Variants in FLNC observed in about 807,000 individuals in gnomAD.
FLNC encodes the protein filamin C.
In FLNC, 91 loss-of-function variants were observed where a neutral mutation model predicts 254.3. The ratio of observed to expected loss-of-function variants is 0.36; its 90% confidence interval spans 0.30 to 0.43. FLNC has a LOEUF of 0.43. FLNC is among the 20% of genes least tolerant of loss of function. The pLI, the probability that FLNC is intolerant of heterozygous loss-of-function variation, is 1.00. For missense variants in FLNC, 2,853 were observed against 3,802.6 expected, an observed-to-expected ratio of 0.75 and a Z score of 6.57; for synonymous variants, 1,430 against 1,577.2, an observed-to-expected ratio of 0.91 and a Z score of 2.21.
chr7:128,852,370 G>C (rs2128938692), intron 35 of FLNC, among the ~76,000 whole-genome samples: 1 of 152,352 alleles, frequency 6.6e-6, no homozygotes, highest in East Asian at 1.9e-4. Context: ...CACAAGGACT[G>C]AGGCAGCCAC....
rs776941739 is a variant in FLNC, at chr7:128,850,413, G to A, written c.5328G>A (p.Glu1776=). Residue 1776 remains glutamate, a synonymous_variant, in exon 32 of 48, where the codon GAG becomes GAA. Transcript: ENST00000325888. ...CAGAGGAGCCAGTGGTGCCTGTGGA[G>A]CCAATGGAGTCCATGCTGAGGCCCT... ...WATEEPVVPV[E]PMESMLRPFN... 3.7e-6 allele frequency: 6 copies of A among 1,614,084 alleles called. No individual in the cohort carries two copies. In the East Asian group the frequency reaches 1.3e-4, roughly 36 times the overall value.
chr7:128,831,898 C>G (rs1443084766), intron 1 of FLNC, among the ~76,000 whole-genome samples: 1 of 152,102 alleles, frequency 6.6e-6, no homozygotes, highest in Non-Finnish European at 1.5e-5. Flanking sequence ...CAGAGTCCTG[C>G]AGTCATCCCT....
rs537929042 is a variant in FLNC, at chr7:128,855,925, C to T, written c.7252-593C>T. 2.2e-3 allele frequency among the ~76,000 whole-genome samples: 334 copies of T among 152,306 alleles called. 13 individuals carry two copies. In the South Asian group the frequency reaches 0.059, roughly 27 times the overall value. ...ATTGTAAAGGAGCTTCTGCATAAGG[C>T]GCACAGAATGGGCTTCACCCCACCT... On this transcript the variant is annotated intron_variant, in intron 43 of 47. Coordinates refer to ENST00000325888, the MANE Select transcript of FLNC (RefSeq NM_001458.5).
chr7:128,844,078 C>T lies in FLNC; in HGVS notation c.3004C>T (p.Arg1002Trp), dbSNP rs555764780. The change falls in exon 20 of 48, where the codon CGG (arginine) becomes TGG (tryptophan). Residue 1002 changes from arginine (R) to tryptophan (W), a missense_variant. Coordinates refer to ENST00000325888, the MANE Select transcript of FLNC (RefSeq NM_001458.5). ...TGGCGGTCAGGGCCAACTGGATGTG[C>T]GGATGACTTCGCCCTCTCGCCGGCC... ...GAGGQGQLDV[R>W]MTSPSRRPIP... The T allele has an allele frequency of 3.0e-5, 48 of 1,613,908 alleles. No homozygotes were observed. Among genetic ancestry groups the T allele is most frequent in the Middle Eastern group, 1.6e-4 (1 of 6,084 alleles).
rs200510021 is a variant in FLNC, at chr7:128,848,741, C to T, written c.4737+24C>T. On this transcript the variant is annotated intron_variant, in intron 27 of 47. Coordinates refer to ENST00000325888, the MANE Select transcript of FLNC (RefSeq NM_001458.5). ...TGGTGAGTCTCTGTGCATCCCACCC[C>T]GCAGGTCATGCTCCAGGCACAGGCG... 1,666 of 1,614,020 alleles carry T rather than the reference C, an allele frequency of 1.0e-3. 33 individuals are homozygous for T. The South Asian group carries it at 0.017, about 17-fold the overall frequency.
intron 37 of FLNC, chr7:128,853,254 T>G (rs1808901112): frequency 1.4e-6 from 1 of 707,788 alleles, no homozygotes; most frequent in African/African-American, 1.8e-5. Flanking sequence ...TTTCTGTCCC[T>G]CCCTTGCTCA....
rs753559863 is a variant in FLNC at position 128,856,598 on chromosome 7, G to A, written c.7332G>A (p.Val2444=). The A allele has an allele frequency of 1.9e-6, 3 of 1,612,764 alleles. No individual in the cohort carries two copies. The South Asian group carries it at 3.3e-5, about 18-fold the overall frequency. ...NGARGVIDAR[V]HTPSGAVEEC... ...CCCGGGGCGTGATTGATGCCCGGGTGCACACACCCTCGGGGGCTGTGGAGG... is the reference window on the plus strand; with the variant it reads ...CCCGGGGCGTGATTGATGCCCGGGTACACACACCCTCGGGGGCTGTGGAGG... The change falls in exon 44 of 48, where the codon GTG becomes GTA. Residue 2444 remains valine (V), a synonymous_variant. Transcript: ENST00000325888. This position sits in a 1 kb window ranked among gnomAD's most constrained non-coding sequence, Gnocchi z 5.9.
chr7:128,845,672 C>T (rs543718482), intron 21 of FLNC, among the ~76,000 whole-genome samples: 68 of 152,122 alleles, frequency 4.5e-4, no homozygotes, highest in Non-Finnish European at 7.1e-4. Context: ...GCATGGGCCA[C>T]GGCAGAGGGA....
Position 128,858,572 on chromosome 7 carries a change from A to G in FLNC, c.*49A>G, listed in dbSNP as rs1270185913. Reference sequence around the variant, plus strand: ...TCAGCCCCCACCTCCAGCCACACACACATTACACACACACACACACACACA... The same window carrying G: ...TCAGCCCCCACCTCCAGCCACACACGCATTACACACACACACACACACACA... On this transcript the variant is annotated 3_prime_UTR_variant, in exon 48 of 48. Transcript: ENST00000325888. The surrounding 1 kb of genome is among the most constrained non-coding windows in gnomAD (Gnocchi z 6.7). 5 of 1,233,958 alleles carry G rather than the reference A, an allele frequency of 4.1e-6. No individual in the cohort carries two copies. The African/African-American group carries it at 7.0e-5, about 17-fold the overall frequency. 76.4% of individuals were successfully genotyped at this position (1,233,958 alleles called of 1,614,324 possible). A position where few individuals can be genotyped will look rare whatever the true frequency, so the allele number is the denominator to read the frequency against.
In FLNC at chr7:128,857,042, T is replaced by A; in HGVS notation, c.7562-76T>A. Reference sequence around the variant, plus strand: ...AAGCCAGGAGTCCCCACAGAGGCTGTCCAGGGAGCTGGGGCCCAGTCCCTC... The same window carrying A: ...AAGCCAGGAGTCCCCACAGAGGCTGACCAGGGAGCTGGGGCCCAGTCCCTC... On this transcript the variant is annotated intron_variant, in intron 45 of 47. Coordinates refer to ENST00000325888, the MANE Select transcript of FLNC (RefSeq NM_001458.5). This position sits in a 1 kb window ranked among gnomAD's most constrained non-coding sequence, Gnocchi z 4.5. The A allele has an allele frequency of 6.4e-7, 1 of 1,571,402 alleles. No homozygotes were observed.
rs553928889 is a variant in FLNC, at chr7:128,853,179, T to C, written c.6208+148T>C. On this transcript the variant is annotated intron_variant, in intron 37 of 47. Transcript: ENST00000325888. ...TCAGGATTCGCATTCTGGGGCCCCT[T>C]GCGGGAAAGTGAATGGCCCCGCATC... 3.1e-4 allele frequency: 255 copies of C among 830,470 alleles called. No individual in the cohort carries two copies. The African/African-American group carries it at 3.9e-3, about 13-fold the overall frequency. The allele number at this position is 830,470 out of a possible 1,614,324, so 51.4% of individuals were successfully genotyped here.
At chr7:128,854,331 A>T in intron 40 of FLNC, 82 bp from the exon 41 acceptor site, 3 of 1,597,858 alleles carry the variant, frequency 1.9e-6, no homozygotes, top group Non-Finnish European at 2.6e-6. Flanking sequence ...TGAGCAGAGG[A>T]GGAGGTTTAA....
At position 128,844,913 on chromosome 7, in the gene FLNC, C is replaced by A. The variant is rs779184516; in HGVS notation, c.3448C>A (p.Arg1150=). ...TGGCTCGCCCTTCAAAGCCACCATT[C>A]GGCCTGTGTTTGACCCGAGCAAGGT... ...IPGSPFKATI[R]PVFDPSKVRA... The change falls in exon 21 of 48, where the codon CGG becomes AGG. Residue 1150 remains arginine (R), a synonymous_variant. Transcript: ENST00000325888. The A allele has an allele frequency of 6.8e-6, 11 of 1,613,818 alleles. No individual in the cohort carries two copies. Among genetic ancestry groups the A allele is most frequent in the African/African-American group, 2.7e-5 (2 of 74,938 alleles).
chr7:128,851,189 A>G (rs1262720619), intron 33 of FLNC, 43 bp from the exon 34 acceptor site: 2 of 1,613,236 alleles, frequency 1.2e-6, no homozygotes, highest in Non-Finnish European at 1.7e-6. Context: ...GGCTCAGATA[A>G]TCCCTGATGC....
rs772019019 is a variant in FLNC at position 128,842,725 on chromosome 7, TG to T, written c.2389+30del. The stretch of plus-strand genomic sequence containing the variant: ...TGCGCCCAGCCGGAAGGGGTGGGTC[TG>T]GGAGGGGGCGGGGGTGAGTCGAGTC... On this transcript the variant is annotated intron_variant, in intron 15 of 47. Transcript: ENST00000325888. This position sits in a 1 kb window ranked among gnomAD's most constrained non-coding sequence, Gnocchi z 5.4. 1 of 981,062 alleles carries T rather than the reference TG, an allele frequency of 1.0e-6. No individual in the cohort carries two copies. The highest frequency in any genetic ancestry group is 1.3e-5 in the South Asian group (1 of 75,268). 60.8% of individuals were successfully genotyped at this position (981,062 alleles called of 1,614,324 possible).
In FLNC at chr7:128,854,162, T is replaced by C. The variant is rs1207791347; in HGVS notation, c.6673T>C (p.Phe2225Leu). The change falls in exon 40 of 48, where the codon TTC becomes CTC. Residue 2225 changes from phenylalanine to leucine, a missense_variant. Around this residue, in one of 10 missense-constraint regions of FLNC, gnomAD observed 551 missense variants for 835.0 expected, o/e 0.66. Coordinates refer to ENST00000325888, the MANE Select transcript of FLNC (RefSeq NM_001458.5). ...CCCCTTCCCTGCTGTGTTTGGGGAC[T>C]TCCTGGGCCGGGAGCGCCTGGGATC... Reference protein sequence around the residue: ...GDPFPAVFGDFLGRERLGSFG... With the variant: ...GDPFPAVFGDLLGRERLGSFG... 1.2e-6 allele frequency: 2 copies of C among 1,610,880 alleles called. No homozygotes were observed. Among genetic ancestry groups the C allele is most frequent in the African/African-American group, 1.3e-5 (1 of 74,860 alleles).
rs1477098149 is a variant in FLNC, at chr7:128,836,320, G to T, written c.601+746G>T. ...CTCCTCCACCCTGGGGTCAGCCGGGGAGCAGAGGGTGGGAGGCGGGGGCAC... is the reference window on the plus strand; with the variant it reads ...CTCCTCCACCCTGGGGTCAGCCGGGTAGCAGAGGGTGGGAGGCGGGGGCAC... On this transcript the variant is annotated intron_variant, in intron 2 of 47. Transcript: ENST00000325888. This position sits in a 1 kb window ranked among gnomAD's most constrained non-coding sequence, Gnocchi z 6.0. Among the ~76,000 whole-genome samples the T allele has an allele frequency of 1.3e-5, 2 of 152,214 alleles. No individual in the cohort carries two copies. The highest frequency in any genetic ancestry group is 4.8e-5 in the African/African-American group (2 of 41,440).
At chr7:128,845,890 G>C in intron 21 of FLNC, 100 bp from the exon 22 acceptor site, 18 of 1,034,962 alleles carry the variant, frequency 1.7e-5, no homozygotes, top group Non-Finnish European at 2.5e-5. Context: ...AGGAGGGGAA[G>C]AGGAGAGGGA....
rs1354641654 is a variant in FLNC at position 128,857,324 on chromosome 7, G to T, written c.7768G>T (p.Ala2590Ser). 1.2e-6 allele frequency: 2 copies of T among 1,612,834 alleles called. No individual in the cohort carries two copies. The highest frequency in any genetic ancestry group is 4.5e-5 in the East Asian group (2 of 44,868). The change falls in exon 46 of 48, where the codon GCC (alanine) becomes TCC (serine). Residue 2590 changes from alanine to serine, a missense_variant. Ala to Ser is a moderately conservative substitution (Grantham distance 99). Transcript: ENST00000325888. This position sits in a 1 kb window ranked among gnomAD's most constrained non-coding sequence, Gnocchi z 4.5. ...PQHIVGSPFKAKVTGPRLSGG... is the reference protein window; with the variant it reads ...PQHIVGSPFKSKVTGPRLSGG... The stretch of plus-strand genomic sequence containing the variant: ...GCACATCGTGGGCAGCCCCTTCAAG[G>T]CCAAGGTCACTGGTGAGTGCCAGTT...
Sources: allele counts gnomAD v4.1 joint callset (sites outside exome capture counted in the v4.1 genomes callset), GRCh38; gene constraint gnomAD v4.1.1; regional missense constraint gnomAD v4.1.1; non-coding constraint Gnocchi (gnomAD v3.1); transcripts MANE v1.5; gene names NCBI Gene and HGNC (gene_info 2026-07-23, HGNC 2026-07-21).